The following PTPRD variants were observed in gnomAD, a reference collection of about 807,000 sequenced individuals.
PTPRD encodes protein tyrosine phosphatase receptor type D, also known as receptor-type tyrosine-protein phosphatase delta.
PTPRD carries 34 observed loss-of-function variants against 214.5 expected under a neutral mutation model. The ratio of observed to expected loss-of-function variants is 0.16; its 90% CI spans 0.12 to 0.21. The LOEUF (loss-of-function observed/expected upper bound fraction) is 0.21, where lower values mean the gene tolerates loss of function less well. PTPRD is among the 10% of genes least tolerant of loss of function. The pLI, the probability that PTPRD is intolerant of heterozygous loss-of-function variation, is 1.00. For missense variants in PTPRD, 2,545 were observed against 2,398.7 expected (o/e 1.06, Z -1.27); for synonymous variants, 1,128 against 845.7 (o/e 1.33, Z -5.79).
intron 11 of PTPRD, among the ~76,000 whole-genome samples, chr9:8,989,117 G>A (rs147216341): frequency 6.6e-6 from 1 of 151,806 alleles, no homozygotes; most frequent in Non-Finnish European, 1.5e-5. Context: ...ATATTTTTGG[G>A]GGGCACATGT....
At chr9:9,580,907 T>A (rs910326425) in intron 7 of PTPRD, among the ~76,000 whole-genome samples, 1 of 152,052 alleles carries the variant, frequency 6.6e-6, no homozygotes, top group African/African-American at 2.4e-5. Flanking sequence ...TTTGAGTTCA[T>A]TGTAAATTCT....
At chr9:9,357,798 G>C (rs965658992) in intron 9 of PTPRD, among the ~76,000 whole-genome samples, 3 of 150,510 alleles carry the variant, frequency 2.0e-5, no homozygotes. Flanking sequence ...GAATATATTT[G>C]ACATTATAAA....
chr9:9,096,158 AC>A (rs2099783200), intron 10 of PTPRD, among the ~76,000 whole-genome samples: 1 of 152,222 alleles, frequency 6.6e-6, no homozygotes, highest in Non-Finnish European at 1.5e-5. Context: ...TTCATGTGCA[AC>A]ATGAGGACTA....
intron 5 of PTPRD, among the ~76,000 whole-genome samples, chr9:9,883,354 G>GTAGA (rs1443255286): frequency 1.3e-5 from 2 of 152,002 alleles, no homozygotes; most frequent in Non-Finnish European, 2.9e-5. Flanking sequence ...TTATTTATAA[G>GTAGA]TAGAACAGGC....
chr9:9,374,599 G>A lies in PTPRD; in HGVS notation c.-203+22850C>T, dbSNP rs191121003. 2.9e-3 allele frequency among the ~76,000 whole-genome samples: 447 copies of A among 152,268 alleles called. 1 individual carries two copies. Among genetic ancestry groups the A allele is most frequent in the Non-Finnish European group, 5.1e-3 (350 of 68,010 alleles). On this transcript the variant is annotated intron_variant, in intron 9 of 45. Transcript: ENST00000381196. The stretch of plus-strand genomic sequence containing the variant: ...AATGCTTCCACTGAATTAAGTCTTA[G>A]AAGGCCTTAATGTAAGACAGTTTAC...
intron 23 of PTPRD, 56 bp downstream of exon 23, chr9:8,504,205 G>C: frequency 6.3e-7 from 1 of 1,586,754 alleles, no homozygotes; most frequent in Non-Finnish European, 8.6e-7. Flanking sequence ...GTGAAAGCTA[G>C]CAACATCTCC....
intron 9 of PTPRD, among the ~76,000 whole-genome samples, chr9:9,318,829 A>G (rs1169924889): frequency 1.3e-5 from 2 of 152,176 alleles, no homozygotes; most frequent in African/African-American, 2.4e-5. Context: ...CTCCTTGTTG[A>G]CGTTCAAATG....
At chr9:9,751,229 A>G (rs539355115) in intron 6 of PTPRD, among the ~76,000 whole-genome samples, 140 of 152,276 alleles carry the variant, frequency 9.2e-4, no homozygotes, top group African/African-American at 2.9e-3. Flanking sequence ...TAGGATTACT[A>G]TAAGTCCCCT....
At chr9:10,311,649 T>A (rs1596753119) in intron 3 of PTPRD, among the ~76,000 whole-genome samples, 1 of 152,062 alleles carries the variant, frequency 6.6e-6, no homozygotes, top group Non-Finnish European at 1.5e-5. Flanking sequence ...TTAAAGCACA[T>A]AAAGCTACCT....
At chr9:8,971,318 T>C (rs1223486126) in intron 11 of PTPRD, among the ~76,000 whole-genome samples, 2 of 151,598 alleles carry the variant, frequency 1.3e-5, no homozygotes, top group Non-Finnish European at 3.0e-5. Context: ...AATCCACAAT[T>C]GAGAAAAATG....
chr9:8,704,702 G>A (rs956168936), intron 12 of PTPRD, among the ~76,000 whole-genome samples: 3 of 151,576 alleles, frequency 2.0e-5, no homozygotes, highest in African/African-American at 7.3e-5. Context: ...AATGAGGCGA[G>A]CGGATCACGA....
At position 10,060,827 on chromosome 9, in the gene PTPRD, T is replaced by TCTTTCTTTCTTTCTTTCTTTCTTC. The variant is rs1217470478; in HGVS notation, c.-544-27038_-544-27037insGAAGAAAGAAAGAAAGAAAGAAAG. Among the ~76,000 whole-genome samples, 25 of 119,782 alleles carry TCTTTCTTTCTTTCTTTCTTTCTTC rather than the reference T, an allele frequency of 2.1e-4. 1 individual carries two copies. In the South Asian group the frequency reaches 5.4e-3, roughly 26 times the overall value. The allele number at this position is 119,782 out of a possible 152,430, so 78.6% of individuals were successfully genotyped here. A position where few individuals can be genotyped will look rare whatever the true frequency, so the allele number is the denominator to read the frequency against. ...TCCTTTCTTTCTTTCTTTCTTTCTT[T>TCTTTCTTTCTTTCTTTCTTTCTTC]CTTCCTTCCTTCCTTCCTTTCCTTT... is the stretch of plus-strand genomic sequence containing the variant. On this transcript the variant is annotated intron_variant, in intron 3 of 45. Coordinates refer to ENST00000381196, the MANE Select transcript of PTPRD (RefSeq NM_002839.4).
chr9:9,341,522 G>C (rs2046802233), intron 9 of PTPRD, among the ~76,000 whole-genome samples: 1 of 152,096 alleles, frequency 6.6e-6, no homozygotes, highest in Non-Finnish European at 1.5e-5. Flanking sequence ...GCTGGTAATA[G>C]ATGGACATCT....
chr9:10,194,639 C>T (rs984468565), intron 3 of PTPRD, among the ~76,000 whole-genome samples: 3 of 148,918 alleles, frequency 2.0e-5, no homozygotes, highest in South Asian at 2.2e-4. Context: ...TAAATTATTT[C>T]TCCTATGTAA....
rs184351339 is a variant in PTPRD at position 8,744,076 on chromosome 9, C to A, written c.-103-10130G>T. 4.3e-3 allele frequency among the ~76,000 whole-genome samples: 648 copies of A among 152,092 alleles called. 3 individuals are homozygous for A. Among genetic ancestry groups the A allele is most frequent in the African/African-American group, 0.014 (587 of 41,480 alleles). The stretch of plus-strand genomic sequence containing the variant: ...CTGATCACTAATGATCAGAGAAATG[C>A]AAATCAAAACCACAATGCAATACCA... On this transcript the variant is annotated intron_variant, in intron 11 of 45. Coordinates refer to ENST00000381196, the MANE Select transcript of PTPRD (RefSeq NM_002839.4).
At chr9:10,034,276 T>C (rs1176951758) in intron 3 of PTPRD, among the ~76,000 whole-genome samples, 1 of 152,116 alleles carries the variant, frequency 6.6e-6, no homozygotes, top group African/African-American at 2.4e-5. Context: ...AAATTTATCA[T>C]ACTGACATTC....
intron 30 of PTPRD, among the ~76,000 whole-genome samples, chr9:8,471,486 T>C (rs963857478): frequency 6.6e-6 from 1 of 152,166 alleles, no homozygotes; most frequent in Non-Finnish European, 1.5e-5. Context: ...AGGATATAGA[T>C]GAAAAATTTC....
At chr9:8,940,665 C>A (rs1052607440) in intron 11 of PTPRD, among the ~76,000 whole-genome samples, 1 of 151,860 alleles carries the variant, frequency 6.6e-6, no homozygotes, top group Non-Finnish European at 1.5e-5. Flanking sequence ...TACCTCCCAC[C>A]TGGGAACTTT....
intron 11 of PTPRD, among the ~76,000 whole-genome samples, chr9:8,929,721 A>ATATATATATGTGTATATATATATGTGTG (rs2098931757): frequency 2.1e-4 from 16 of 77,424 alleles, no homozygotes; most frequent in African/African-American, 7.1e-4. Context: ...ATATATGTGT[A>ATATATATATGTGTATATATATATGTGTG]TATATATATG....
Sources: allele counts gnomAD v4.1 joint callset (sites outside exome capture counted in the v4.1 genomes callset), GRCh38; gene constraint gnomAD v4.1.1; transcripts MANE v1.5; gene names NCBI Gene and HGNC (gene_info 2026-07-23, HGNC 2026-07-21).